Variants in GRIN2B observed in about 807,000 individuals in gnomAD.
The protein encoded by GRIN2B is glutamate ionotropic receptor NMDA type subunit 2B.
A neutral mutation model predicts 114.5 loss-of-function variants in GRIN2B; 5 were observed. The observed-to-expected ratio is 0.04, with a 90% CI of 0.02 to 0.09. The LOEUF is 0.09. Among genes scored for constraint, GRIN2B ranks in the 10% least tolerant of loss-of-function variants. The probability of loss-of-function intolerance (pLI) is 1.00; values close to 1 mark genes in which losing one functional copy is unlikely to be tolerated. For missense variants in GRIN2B, 1,108 were observed against 1,943.5 expected (o/e 0.57, Z 8.08); for synonymous variants, 787 against 745.1 (o/e 1.06, Z -0.92).
At chr12:13,699,073 C>T (rs151167712) in intron 4 of GRIN2B, among the ~76,000 whole-genome samples, 145 of 152,294 alleles carry the variant, frequency 9.5e-4, no homozygotes, top group African/African-American at 3.4e-3. Context: ...AAATTAGGCA[C>T]ATGCTATGAT....
intron 10 of GRIN2B, among the ~76,000 whole-genome samples, chr12:13,574,517 A>G (rs952806451): frequency 3.9e-5 from 6 of 152,232 alleles, no homozygotes; most frequent in Non-Finnish European, 7.3e-5. Context: ...CAATTCTGGT[A>G]TAAATTATTA....
chr12:13,941,688 G>A (rs2136836576), intron 2 of GRIN2B, among the ~76,000 whole-genome samples: 1 of 152,312 alleles, frequency 6.6e-6, no homozygotes, highest in East Asian at 1.9e-4. Context: ...AGCATTCACA[G>A]CATCAAACCC....
In GRIN2B at chr12:13,728,184, C is replaced by T. The variant is rs191209768; in HGVS notation, c.1010+25133G>A. On this transcript the variant is annotated intron_variant, in intron 4 of 13. Transcript: ENST00000609686. ...TGAATGCACGATTTTATGACCTCCT[C>T]AGATTGCAATCACTTTGCTTTCATT... is the stretch of plus-strand genomic sequence containing the variant. Among the ~76,000 whole-genome samples the T allele has an allele frequency of 1.3e-5, 2 of 152,296 alleles. 1 individual carries two copies. The highest frequency in any genetic ancestry group is 1.3e-4 in the Admixed American group (2 of 15,300).
At chr12:13,823,089 T>C (rs1255427212) in intron 3 of GRIN2B, among the ~76,000 whole-genome samples, 1 of 152,090 alleles carries the variant, frequency 6.6e-6, no homozygotes, top group Non-Finnish European at 1.5e-5. Flanking sequence ...TAGCAAGTTT[T>C]AAGGTATTGT....
At chr12:13,637,998 C>T (rs181487160) in intron 5 of GRIN2B, among the ~76,000 whole-genome samples, 9 of 152,196 alleles carry the variant, frequency 5.9e-5, no homozygotes, top group East Asian at 1.9e-4. Context: ...TTAAAAGAAA[C>T]GAGATTAGAT....
chr12:13,543,617 T>A lies in GRIN2B; in HGVS notation c.*19166A>T, dbSNP rs1948309650. ...TCATAATCATAAAAACTCAAATAATTCCTTTATGCCCCCTAGCATGTCTCC... is the reference window on the plus strand; with the variant it reads ...TCATAATCATAAAAACTCAAATAATACCTTTATGCCCCCTAGCATGTCTCC... On this transcript the variant is annotated 3_prime_UTR_variant, in exon 14 of 14. Transcript: ENST00000609686. 6.6e-6 allele frequency: 1 copy of A among 152,110 alleles called. No individual in the cohort carries two copies. Among genetic ancestry groups the A allele is most frequent in the African/African-American group, 2.4e-5 (1 of 41,392 alleles). The allele number at this position is 152,110 out of a possible 1,614,324, so 9.4% of individuals were successfully genotyped here.
chr12:13,669,114 ATTTT>A (rs1310005298), intron 5 of GRIN2B, among the ~76,000 whole-genome samples: 1 of 151,898 alleles, frequency 6.6e-6, no homozygotes, highest in Non-Finnish European at 1.5e-5. Flanking sequence ...GACATATACA[ATTTT>A]GAGGACTTTC....
intron 3 of GRIN2B, among the ~76,000 whole-genome samples, chr12:13,859,325 G>T (rs1865715491): frequency 6.6e-6 from 1 of 152,174 alleles, no homozygotes; most frequent in Non-Finnish European, 1.5e-5. Flanking sequence ...CCAAGTGCCT[G>T]TATTTCTATG....
intron 2 of GRIN2B, among the ~76,000 whole-genome samples, chr12:13,933,849 T>A (rs1867081384): frequency 6.6e-6 from 1 of 152,160 alleles, no homozygotes; most frequent in Admixed American, 6.5e-5. Flanking sequence ...GCTAACAGAA[T>A]GAGGTTCACC....
chr12:13,659,021 CCTT>C (rs1949894649), intron 5 of GRIN2B, among the ~76,000 whole-genome samples: 2 of 152,286 alleles, frequency 1.3e-5, no homozygotes, highest in South Asian at 4.2e-4. Flanking sequence ...TCTTCCCTCT[CCTT>C]CTGTTCTCGT....
chr12:13,812,182 G>A (rs1864742550), intron 3 of GRIN2B, among the ~76,000 whole-genome samples: 1 of 151,968 alleles, frequency 6.6e-6, no homozygotes, highest in Non-Finnish European at 1.5e-5. Context: ...TATGTACTAA[G>A]CCCCAAATTA....
chr12:13,852,072 C>T (rs565104163), intron 3 of GRIN2B, among the ~76,000 whole-genome samples: 2 of 152,258 alleles, frequency 1.3e-5, no homozygotes, highest in Non-Finnish European at 2.9e-5. Flanking sequence ...TTACATGTTG[C>T]CAAGGCAACA....
In GRIN2B at chr12:13,546,378, AC is replaced by A. The variant is rs1948342537; in HGVS notation, c.*16404del. 6.6e-6 allele frequency: 1 copy of A among 152,146 alleles called. No homozygotes were observed. Among genetic ancestry groups the A allele is most frequent in the Non-Finnish European group, 1.5e-5 (1 of 68,026 alleles). The allele number at this position is 152,146 out of a possible 1,614,324, so 9.4% of individuals were successfully genotyped here. The stretch of plus-strand genomic sequence containing the variant: ...CGTCTCTTTCTAAAGCCAGCCTGTC[AC>A]CATTTCTGAGCCATCAATGGCAGCA... On this transcript the variant is annotated 3_prime_UTR_variant, in exon 14 of 14. Coordinates refer to ENST00000609686, the MANE Select transcript of GRIN2B (RefSeq NM_000834.5).
chr12:13,607,152 AT>A (rs1247895523), intron 10 of GRIN2B, among the ~76,000 whole-genome samples: 13 of 123,584 alleles, frequency 1.1e-4, no homozygotes, highest in South Asian at 4.5e-4. Context: ...CTCAAAAAAA[AT>A]ATATATATAT....
intron 2 of GRIN2B, among the ~76,000 whole-genome samples, chr12:13,922,905 T>C (rs1405498837): frequency 6.6e-6 from 1 of 152,198 alleles, no homozygotes; most frequent in Non-Finnish European, 1.5e-5. Flanking sequence ...CTTCCTGGAA[T>C]TCTAATCTTA....
intron 10 of GRIN2B, among the ~76,000 whole-genome samples, chr12:13,586,091 C>G (rs1337650735): frequency 6.6e-6 from 1 of 152,172 alleles, no homozygotes; most frequent in African/African-American, 2.4e-5. Flanking sequence ...TTCCAGTTGA[C>G]TAAGGGTTAA....
intron 5 of GRIN2B, among the ~76,000 whole-genome samples, chr12:13,659,560 C>G (rs1949899022): frequency 6.6e-6 from 1 of 152,136 alleles, no homozygotes; most frequent in African/African-American, 2.4e-5. Context: ...TTCTAATGCT[C>G]TTTAAGCTCA....
intron 4 of GRIN2B, among the ~76,000 whole-genome samples, chr12:13,691,126 T>G (rs1950212613): frequency 6.6e-6 from 1 of 152,178 alleles, no homozygotes; most frequent in Non-Finnish European, 1.5e-5. Context: ...AATCCCATTC[T>G]CACTCCTTCC....
chr12:13,767,345 A>G (rs1863815958), intron 3 of GRIN2B, among the ~76,000 whole-genome samples: 1 of 152,098 alleles, frequency 6.6e-6, no homozygotes, highest in African/African-American at 2.4e-5. Flanking sequence ...ATTCATTTAA[A>G]AAGACGTAGA....
Sources: gnomAD v4.1 joint callset for allele counts (sites outside exome capture counted in the v4.1 genomes callset) on GRCh38, gnomAD v4.1.1 for gene constraint, MANE v1.5 for transcripts, NCBI Gene and HGNC (gene_info 2026-07-23, HGNC 2026-07-21) for gene names.